The following ERICH6B variants were observed in gnomAD, a reference collection of about 807,000 sequenced individuals.
ERICH6B encodes the protein glutamate rich 6B.
Under a neutral mutation model 80.0 loss-of-function variants are expected in ERICH6B, and 69 were observed. The observed-to-expected ratio is 0.86, with a 90% CI of 0.71 to 1.05. The LOEUF (loss-of-function observed/expected upper bound fraction) is 1.05, where lower values mean the gene tolerates loss of function less well. Ranked by LOEUF, ERICH6B falls within the 50% of genes least tolerant of loss-of-function variation. The pLI is 0.00. For missense variants in ERICH6B, 754 were observed against 796.1 expected (o/e 0.95, Z 0.64); for synonymous variants, 283 against 291.9 (o/e 0.97, Z 0.31).
chr13:45,604,423 C>G (rs1363824869), intron 2 of ERICH6B, among the ~76,000 whole-genome samples: 2 of 152,186 alleles, frequency 1.3e-5, no homozygotes, highest in African/African-American at 2.4e-5. Context: ...ATCCATCCGT[C>G]AGGGGAGGCT....
chr13:45,580,272 C>T (rs761867147), intron 6 of ERICH6B, among the ~76,000 whole-genome samples: 33 of 152,154 alleles, frequency 2.2e-4, no homozygotes, highest in Non-Finnish European at 3.8e-4. Flanking sequence ...GCCTCATATA[C>T]AGTAGGGATG....
At chr13:45,578,696 C>G (rs1875526598) in intron 7 of ERICH6B, among the ~76,000 whole-genome samples, 1 of 152,188 alleles carries the variant, frequency 6.6e-6, no homozygotes, top group African/African-American at 2.4e-5. Flanking sequence ...GGACACAAAT[C>G]TATAAATTGT....
At chr13:45,552,481 G>A (rs758393231) in intron 11 of ERICH6B, among the ~76,000 whole-genome samples, 4 of 149,736 alleles carry the variant, frequency 2.7e-5, no homozygotes, top group Non-Finnish European at 4.4e-5. Flanking sequence ...TGCTTCTTAT[G>A]TTTTATTTCA....
chr13:45,545,015 C>G, intron 13 of ERICH6B, 30 bp from the exon 14 acceptor site: 1 of 1,535,334 alleles, frequency 6.5e-7, no homozygotes, highest in South Asian at 1.2e-5. Context: ...GTCAGGCAGC[C>G]AGGGCGCTCA....
At chr13:45,611,314 C>T (rs948517605) in intron 1 of ERICH6B, among the ~76,000 whole-genome samples, 1 of 152,310 alleles carries the variant, frequency 6.6e-6, no homozygotes, top group Non-Finnish European at 1.5e-5. Context: ...CTCTGGCAAA[C>T]AGCAGTGGGG....
At chr13:45,559,056 T>C (rs1566288492) in intron 11 of ERICH6B, among the ~76,000 whole-genome samples, 1 of 152,016 alleles carries the variant, frequency 6.6e-6, no homozygotes, top group Non-Finnish European at 1.5e-5. Flanking sequence ...TTAGTAATTT[T>C]TAAAATTACC....
intron 5 of ERICH6B, among the ~76,000 whole-genome samples, chr13:45,585,859 A>G (rs947962239): frequency 6.6e-6 from 1 of 152,216 alleles, no homozygotes; most frequent in African/African-American, 2.4e-5. Context: ...CAATGAAACA[A>G]TGATTTCAAT....
Position 45,597,009 on chromosome 13 carries a change from G to A in ERICH6B, c.-4C>T, listed in dbSNP as rs1876425911. The A allele has an allele frequency of 1.3e-6, 2 of 1,536,772 alleles. No individual in the cohort carries two copies. Among genetic ancestry groups the A allele is most frequent in the African/African-American group, 2.7e-5 (2 of 72,780 alleles). ...ACTGATTATTTTCAGCAGACATGCT[G>A]GGGAAGTCGTAGGTGGTGAACTCCT... On this transcript the variant is annotated 5_prime_UTR_variant, in exon 3 of 15. Coordinates refer to ENST00000298738, the MANE Select transcript of ERICH6B (RefSeq NM_182542.3).
chr13:45,607,233 C>T (rs967780576), intron 2 of ERICH6B, among the ~76,000 whole-genome samples: 1 of 152,260 alleles, frequency 6.6e-6, no homozygotes, highest in East Asian at 1.9e-4. Flanking sequence ...ACAAACTTAT[C>T]AGGAGGACTC....
intron 1 of ERICH6B, among the ~76,000 whole-genome samples, chr13:45,607,898 G>A (rs190699886): frequency 1.3e-5 from 2 of 152,310 alleles, no homozygotes; most frequent in East Asian, 3.9e-4. Context: ...CCTGGGCACT[G>A]CAGAGAACTC....
chr13:45,546,770 C>A (rs753505160), intron 13 of ERICH6B, among the ~76,000 whole-genome samples: 2 of 152,130 alleles, frequency 1.3e-5, no homozygotes, highest in Non-Finnish European at 1.5e-5. Context: ...ATATATGAAC[C>A]TTTCACGGAA....
chr13:45,548,646 A>C (rs1281950603), intron 13 of ERICH6B, among the ~76,000 whole-genome samples: 1 of 152,140 alleles, frequency 6.6e-6, no homozygotes, highest in African/African-American at 2.4e-5. Context: ...GGGCCGGGAC[A>C]TGCTGATAGG....
In ERICH6B at chr13:45,574,877, T is replaced by C; in HGVS notation, c.1015A>G (p.Ile339Val). The change falls in exon 8 of 15, where the codon ATT becomes GTT. Residue 339 changes from isoleucine to valine, a missense_variant. Ile to Val is a conservative substitution (Grantham distance 29). Transcript: ENST00000298738. ...AAATCTTCCACTTCCAGCTTGTCAATGGACTCATCTGTTATACCATCCCAA... is the reference window on the plus strand; with the variant it reads ...AAATCTTCCACTTCCAGCTTGTCAACGGACTCATCTGTTATACCATCCCAA... ...NFWDGITDES[I>V]DKLEVEDLDE... 3.2e-6 allele frequency: 5 copies of C among 1,551,504 alleles called. No homozygotes were observed. The highest frequency in any genetic ancestry group is 1.2e-5 in the South Asian group (1 of 84,038).
rs560077270 is a variant in ERICH6B, at chr13:45,561,668, G to T, written c.1250-142C>A. On this transcript the variant is annotated intron_variant, in intron 10 of 14. Transcript: ENST00000298738. ...TTTTTCCCCAGTGAGGAAGGCTGTC[G>T]GGTAGTGGGAAGATTAAGGCCTTTG... is the stretch of plus-strand genomic sequence containing the variant. The T allele has an allele frequency of 4.6e-5, 39 of 854,198 alleles. No homozygotes were observed. The East Asian group carries it at 9.6e-4, about 21-fold the overall frequency. The allele number at this position is 854,198 out of a possible 1,614,324, so 52.9% of individuals were successfully genotyped here. A position where few individuals can be genotyped will look rare whatever the true frequency, so the allele number is the denominator to read the frequency against.
In ERICH6B at chr13:45,563,785, C is replaced by T. The variant is rs370930978; in HGVS notation, c.1191G>A (p.Leu397=). 6.4e-7 allele frequency: 1 copy of T among 1,552,164 alleles called. No individual in the cohort carries two copies. Among genetic ancestry groups the T allele is most frequent in the African/African-American group, 1.4e-5 (1 of 73,176 alleles). ...CCTTGAACTTTTCATAATTTTTCTTCAGCCTAAAAGGAAAGTGGATCATCT... is the reference window on the plus strand; with the variant it reads ...CCTTGAACTTTTCATAATTTTTCTTTAGCCTAAAAGGAAAGTGGATCATCT... ...SENRWKLVIM[L]KKNYEKFKET... is the part of the protein sequence containing the mutation. The change falls in exon 10 of 15, where the codon CTG becomes CTA. Residue 397 remains leucine (L), a synonymous_variant. Transcript: ENST00000298738.
intron 1 of ERICH6B, among the ~76,000 whole-genome samples, chr13:45,609,911 G>C (rs961868681): frequency 6.6e-5 from 10 of 152,182 alleles, no homozygotes; most frequent in African/African-American, 2.4e-4. Context: ...GCCAACCTTC[G>C]TCTTGCCTTT....
At chr13:45,562,326 C>T (rs964626446) in intron 10 of ERICH6B, among the ~76,000 whole-genome samples, 29 of 152,356 alleles carry the variant, frequency 1.9e-4, no homozygotes, top group African/African-American at 6.7e-4. Context: ...GCATGAGGCA[C>T]CACACCTGGC....
intron 11 of ERICH6B, among the ~76,000 whole-genome samples, chr13:45,555,211 T>C (rs1452945993): frequency 6.6e-6 from 1 of 152,168 alleles, no homozygotes; most frequent in Non-Finnish European, 1.5e-5. Flanking sequence ...GTTTCTTTTA[T>C]CTATTAGAAG....
chr13:45,604,767 A>C (rs577573684), intron 2 of ERICH6B, among the ~76,000 whole-genome samples: 4 of 152,178 alleles, frequency 2.6e-5, no homozygotes, highest in Admixed American at 1.3e-4. Flanking sequence ...TCTAAAAAAA[A>C]CCTAAAAAAT....
Sources: gnomAD v4.1 joint callset for allele counts (sites outside exome capture counted in the v4.1 genomes callset) on GRCh38, gnomAD v4.1.1 for gene constraint, MANE v1.5 for transcripts, NCBI Gene and HGNC (gene_info 2026-07-23, HGNC 2026-07-21) for gene names.